NINL: variants seen among roughly 807,000 people sequenced by gnomAD.
NINL encodes ninein like.
NINL carries 153 observed loss-of-function variants against 160.3 expected under a neutral mutation model. The ratio of observed to expected loss-of-function variants is 0.95; its 90% CI spans 0.84 to 1.09. NINL has a LOEUF of 1.09. Among genes scored for constraint, NINL ranks in the 50% least tolerant of loss-of-function variants. The pLI is 0.00. For synonymous variants in NINL, 800 were observed against 734.8 expected, an observed-to-expected ratio of 1.09 and a Z score of -1.43; for missense variants, 1,829 against 1,764.0, an observed-to-expected ratio of 1.04 and a Z score of -0.66.
At chr20:25,569,051 G>A (rs1341293195) in intron 1 of NINL, among the ~76,000 whole-genome samples, 1 of 151,724 alleles carries the variant, frequency 6.6e-6, no homozygotes, top group Non-Finnish European at 1.5e-5. Context: ...GGCCAACATG[G>A]TAAAACCCCG....
intron 1 of NINL, among the ~76,000 whole-genome samples, chr20:25,531,385 A>G (rs768952804): frequency 6.6e-6 from 1 of 152,214 alleles, no homozygotes; most frequent in Non-Finnish European, 1.5e-5. Context: ...TGATGAGATT[A>G]AGAGATTAAA....
rs2063227913 is a variant in NINL, at chr20:25,476,136, T to C, written c.3155A>G (p.Glu1052Gly). Reference protein sequence around the residue: ...PEEGETKIALEREKDDMETKL... With the variant: ...PEEGETKIALGREKDDMETKL... ...GGTTTCCATGTCATCCTTCTCTCTC[T>C]CCAGCGCTATTTTGGTCTCCCCCTC... is the stretch of plus-strand genomic sequence containing the variant. The change falls in exon 17 of 24, where the codon GAG (glutamate) becomes GGG (glycine). Residue 1052 changes from glutamate to glycine, a missense_variant. Glu to Gly is a moderately conservative substitution (Grantham distance 98). Coordinates refer to ENST00000278886, the MANE Select transcript of NINL (RefSeq NM_025176.6). 2 of 1,614,208 alleles carry C rather than the reference T, an allele frequency of 1.2e-6. No individual in the cohort carries two copies. Among genetic ancestry groups the C allele is most frequent in the South Asian group, 1.1e-5 (1 of 91,084 alleles).
chr20:25,472,178 G>A (rs1260502629), intron 17 of NINL, among the ~76,000 whole-genome samples: 1 of 151,738 alleles, frequency 6.6e-6, no homozygotes. Context: ...GAAAGAAAGA[G>A]ATACTGACCT....
intron 1 of NINL, among the ~76,000 whole-genome samples, chr20:25,528,285 C>T (rs1039932463): frequency 9.2e-5 from 14 of 152,112 alleles, no homozygotes; most frequent in African/African-American, 2.4e-4. Flanking sequence ...TTTCCTGCTG[C>T]GGCCTCCCAA....
intron 19 of NINL, among the ~76,000 whole-genome samples, chr20:25,465,578 G>A (rs1280555330): frequency 1.3e-5 from 2 of 152,050 alleles, no homozygotes; most frequent in African/African-American, 4.8e-5. Flanking sequence ...AGCAGAAGGG[G>A]TCCCCGACGA....
intron 1 of NINL, 104 bp from the exon 2 acceptor site, chr20:25,526,702 C>A: frequency 8.3e-7 from 1 of 1,203,004 alleles, no homozygotes; most frequent in Non-Finnish European, 1.2e-6. Context: ...CAAGCAGACG[C>A]AGGAGCTGGC....
chr20:25,460,281 G>C (rs2062750285), intron 21 of NINL, among the ~76,000 whole-genome samples: 1 of 152,186 alleles, frequency 6.6e-6, no homozygotes, highest in Non-Finnish European at 1.5e-5. Context: ...AGCTACCCTG[G>C]AAGCCCCCAG....
chr20:25,504,602 A>G (rs2146821573), intron 6 of NINL, among the ~76,000 whole-genome samples: 1 of 152,282 alleles, frequency 6.6e-6, no homozygotes, highest in African/African-American at 2.4e-5. Flanking sequence ...GAAGGGGGAA[A>G]GGCATCCAGG....
intron 1 of NINL, among the ~76,000 whole-genome samples, chr20:25,534,044 A>T (rs1432211641): frequency 6.6e-6 from 1 of 152,216 alleles, no homozygotes; most frequent in East Asian, 1.9e-4. Context: ...AAGCCAAAAG[A>T]AAAGTAGGTA....
At chr20:25,538,806 G>A (rs866506878) in intron 1 of NINL, among the ~76,000 whole-genome samples, 1 of 152,004 alleles carries the variant, frequency 6.6e-6, no homozygotes, top group African/African-American at 2.4e-5. Context: ...GGAGCACAGG[G>A]GTGGAGAAGC....
In NINL at chr20:25,480,145, C is replaced by A; in HGVS notation, c.1917+16G>T. The A allele has an allele frequency of 6.3e-7, 1 of 1,597,206 alleles. No homozygotes were observed. The highest frequency in any genetic ancestry group is 8.6e-7 in the Non-Finnish European group (1 of 1,164,852). Reference sequence around the variant, plus strand: ...AGCTACTCCCCCAGGGCCCCACAGCCCCATAATCCCCTCACCTTGGTCTCC... The same window carrying A: ...AGCTACTCCCCCAGGGCCCCACAGCACCATAATCCCCTCACCTTGGTCTCC... On this transcript the variant is annotated intron_variant, in intron 15 of 23. Coordinates refer to ENST00000278886, the MANE Select transcript of NINL (RefSeq NM_025176.6).
At chr20:25,510,985 G>A (rs1372574229) in intron 4 of NINL, among the ~76,000 whole-genome samples, 1 of 152,186 alleles carries the variant, frequency 6.6e-6, no homozygotes. Context: ...GCCTTGTTCT[G>A]CACGCTCGGG....
intron 13 of NINL, among the ~76,000 whole-genome samples, chr20:25,483,113 T>C (rs1213182759): frequency 6.6e-6 from 1 of 150,852 alleles, no homozygotes; most frequent in Non-Finnish European, 1.5e-5. Flanking sequence ...GGTGGGCAGA[T>C]CACGAGGTCA....
Position 25,489,896 on chromosome 20 carries a change from C to G in NINL, c.1575G>C (p.Leu525=). The G allele has an allele frequency of 6.2e-7, 1 of 1,614,208 alleles. No individual in the cohort carries two copies. The change falls in exon 12 of 24, where the codon CTG becomes CTC. Residue 525 remains leucine (L), a synonymous_variant. Coordinates refer to ENST00000278886, the MANE Select transcript of NINL (RefSeq NM_025176.6). ...ERLALKLQKD[L]EFVLKDKLEP... ...TCGCCTTGTCCTTCAGCACAAACTC[C>G]AGGTCCTTCTGCAGCTTCAGGGCCA... is the stretch of plus-strand genomic sequence containing the variant.
chr20:25,493,294 G>A (rs534523698), intron 10 of NINL, among the ~76,000 whole-genome samples: 27 of 152,226 alleles, frequency 1.8e-4, no homozygotes, highest in African/African-American at 4.8e-4. Flanking sequence ...GGCTGTGCTC[G>A]GGAGAACGAA....
intron 1 of NINL, among the ~76,000 whole-genome samples, chr20:25,584,430 A>T (rs1156319241): frequency 6.6e-6 from 1 of 152,262 alleles, no homozygotes; most frequent in African/African-American, 2.4e-5. Context: ...ATTGCACTCC[A>T]GCCTGGGCAA....
chr20:25,496,216 A>G (rs150768359), intron 10 of NINL, among the ~76,000 whole-genome samples: 1 of 152,326 alleles, frequency 6.6e-6, no homozygotes, highest in East Asian at 1.9e-4. Flanking sequence ...TGTTCCACAC[A>G]ACTGTCCCCG....
In NINL at chr20:25,476,831, G is replaced by A; in HGVS notation, c.2460C>T (p.Pro820=). 1 of 1,613,304 alleles carries A rather than the reference G, an allele frequency of 6.2e-7. No homozygotes were observed. The highest frequency in any genetic ancestry group is 1.6e-4 in the Middle Eastern group (1 of 6,062). Residue 820 remains proline, a synonymous_variant, in exon 17 of 24, where the codon CCC becomes CCT. Coordinates refer to ENST00000278886, the MANE Select transcript of NINL (RefSeq NM_025176.6). ...GGGCCTGCATCTCTGCTTCCAGGGAGGGCCCGTCCACTCGCTTCCCGCGGG... is the reference window on the plus strand; with the variant it reads ...GGGCCTGCATCTCTGCTTCCAGGGAAGGCCCGTCCACTCGCTTCCCGCGGG... ...ELARGKRVDG[P]SLEAEMQALP...
chr20:25,530,064 T>G (rs2064430283), intron 1 of NINL, among the ~76,000 whole-genome samples: 1 of 152,168 alleles, frequency 6.6e-6, no homozygotes, highest in Admixed American at 6.5e-5. Context: ...TTCCTCTACT[T>G]TTTTTCTCTT....
Sources: gnomAD v4.1 joint callset for allele counts (sites outside exome capture counted in the v4.1 genomes callset) on GRCh38, gnomAD v4.1.1 for gene constraint, MANE v1.5 for transcripts, NCBI Gene and HGNC (gene_info 2026-07-23, HGNC 2026-07-21) for gene names.